ERC2: variants seen among roughly 807,000 people sequenced by gnomAD.
ERC2 encodes ELKS/RAB6-interacting/CAST family member 2.
In ERC2, 42 loss-of-function variants were observed where a neutral mutation model predicts 114.8. That is an observed-to-expected ratio of 0.37 (90% CI 0.29 to 0.47). The LOEUF is 0.47. Among genes scored for constraint, ERC2 ranks in the 20% least tolerant of loss-of-function variants. ERC2 has a pLI of 0.99. For missense variants in ERC2, 939 were observed against 1,150.7 expected, an observed-to-expected ratio of 0.82 and a Z score of 2.66; for synonymous variants, 454 against 425.5, an observed-to-expected ratio of 1.07 and a Z score of -0.82.
chr3:56,277,273 C>T (rs2054067135), intron 3 of ERC2, among the ~76,000 whole-genome samples: 1 of 152,044 alleles, frequency 6.6e-6, no homozygotes, highest in African/African-American at 2.4e-5. Flanking sequence ...AGAGATATGC[C>T]CTAATTCTAT....
chr3:55,767,294 G>A (rs190457797), intron 14 of ERC2, among the ~76,000 whole-genome samples: 1 of 152,290 alleles, frequency 6.6e-6, no homozygotes, highest in East Asian at 1.9e-4. Context: ...CAGCTTCCAA[G>A]TCACTACTAC....
At chr3:55,815,409 G>A (rs1559700316) in intron 14 of ERC2, among the ~76,000 whole-genome samples, 3 of 152,194 alleles carry the variant, frequency 2.0e-5, no homozygotes, top group Admixed American at 1.3e-4. Context: ...AATCATCTGA[G>A]TTCTTAAAAG....
Position 55,564,918 on chromosome 3 carries a change from G to A in ERC2, c.*40-53642C>T, listed in dbSNP as rs142474182. Among the ~76,000 whole-genome samples the A allele has an allele frequency of 5.3e-3, 805 of 152,334 alleles. 4 individuals carry two copies. Among genetic ancestry groups the A allele is most frequent in the African/African-American group, 0.017 (690 of 41,572 alleles). On this transcript the variant is annotated intron_variant, in intron 17 of 17. Transcript: ENST00000288221. ...TGGCTTTGCTGGCCATATGTTCTCC[G>A]TGGCAGTACTCAACTCTGCTGCTGG...
intron 3 of ERC2, among the ~76,000 whole-genome samples, chr3:56,249,378 T>A (rs557350056): frequency 2.2e-4 from 34 of 152,000 alleles, no homozygotes; most frequent in African/African-American, 8.0e-4. Context: ...CAGGCTGGAG[T>A]GCAGTGGTGC....
rs114654440 is a variant in ERC2, at chr3:56,286,602, A to C, written c.1074+9417T>G. 8.8e-3 allele frequency among the ~76,000 whole-genome samples: 1,344 copies of C among 152,260 alleles called. 10 individuals carry two copies. The highest frequency in any genetic ancestry group is 0.014 in the Non-Finnish European group (947 of 67,996). ...TTATCCTTAATTCAGAAAGCTACTT[A>C]CTTATTATCTAATTCAGGGGTCAGC... On this transcript the variant is annotated intron_variant, in intron 3 of 17. Coordinates refer to ENST00000288221, the MANE Select transcript of ERC2 (RefSeq NM_015576.3).
chr3:55,673,703 C>G (rs1030703369), intron 17 of ERC2, among the ~76,000 whole-genome samples: 2 of 152,108 alleles, frequency 1.3e-5, no homozygotes, highest in Non-Finnish European at 2.9e-5. Context: ...ATAAGTAAAA[C>G]CACAAACCCA....
chr3:56,139,655 G>C lies in ERC2; in HGVS notation c.1327C>G (p.Leu443Val). ...AGAAGTTCCGACTCTTTCTTTGAAA[G>C]TTCCTGCTTCAGCTGATCAATCTGC... ...KTKIDQLKQELSKKESELLAL... is the reference protein window; with the variant it reads ...KTKIDQLKQEVSKKESELLAL... The change falls in exon 6 of 18, where the codon CTT becomes GTT. Residue 443 changes from leucine to valine, a missense_variant. By Grantham distance (32) the Leu-to-Val change is conservative (BLOSUM62 1). Coordinates refer to ENST00000288221, the MANE Select transcript of ERC2 (RefSeq NM_015576.3). 3.7e-6 allele frequency: 6 copies of C among 1,605,582 alleles called. No homozygotes were observed. Among genetic ancestry groups the C allele is most frequent in the Non-Finnish European group, 5.1e-6 (6 of 1,175,516 alleles).
chr3:56,466,814 A>C (rs2063563827), intron 1 of ERC2, among the ~76,000 whole-genome samples: 2 of 152,236 alleles, frequency 1.3e-5, no homozygotes, highest in South Asian at 2.1e-4. Context: ...TTACAAGGAC[A>C]AGAGTGACCA....
chr3:55,529,363 A>G (rs2053531625), intron 17 of ERC2, among the ~76,000 whole-genome samples: 1 of 152,218 alleles, frequency 6.6e-6, no homozygotes, highest in Admixed American at 6.5e-5. Flanking sequence ...TTGACTCCTT[A>G]AACAGTAAGT....
At chr3:55,694,761 A>G (rs1413222463) in intron 16 of ERC2, among the ~76,000 whole-genome samples, 2 of 152,212 alleles carry the variant, frequency 1.3e-5, no homozygotes, top group Non-Finnish European at 2.9e-5. Context: ...AACACATAGA[A>G]GTACATTTTG....
At chr3:55,879,756 A>G (rs560472254) in intron 14 of ERC2, among the ~76,000 whole-genome samples, 6 of 152,354 alleles carry the variant, frequency 3.9e-5, no homozygotes, top group Admixed American at 2.6e-4. Flanking sequence ...AATTGCCCCC[A>G]ATATCCATTC....
intron 2 of ERC2, among the ~76,000 whole-genome samples, chr3:56,432,529 AC>A (rs1222240391): frequency 9.2e-5 from 14 of 152,348 alleles, no homozygotes; most frequent in African/African-American, 3.1e-4. Flanking sequence ...GGTTCCAACT[AC>A]AAAATCACAT....
chr3:55,750,363 C>T (rs1263501098), intron 14 of ERC2, among the ~76,000 whole-genome samples: 1 of 152,156 alleles, frequency 6.6e-6, no homozygotes, highest in Non-Finnish European at 1.5e-5. Context: ...TATTACACCC[C>T]TTGTAAAGTT....
chr3:55,741,915 G>A (rs1215215216), intron 14 of ERC2, among the ~76,000 whole-genome samples: 1 of 152,020 alleles, frequency 6.6e-6, no homozygotes, highest in Admixed American at 6.6e-5. Flanking sequence ...TAACAAATAT[G>A]GGCAACAATA....
chr3:55,827,838 A>G (rs904275005), intron 14 of ERC2, among the ~76,000 whole-genome samples: 4 of 152,224 alleles, frequency 2.6e-5, no homozygotes, highest in Non-Finnish European at 5.9e-5. Context: ...CCAGACATAG[A>G]AAAGTACTAC....
At chr3:55,761,875 CAAA>C (rs1232333274) in intron 14 of ERC2, among the ~76,000 whole-genome samples, 1 of 59,626 alleles carries the variant, frequency 1.7e-5, no homozygotes, top group Non-Finnish European at 3.4e-5. Flanking sequence ...GACTCCGTCT[CAAA>C]AAAAAAAAAA....
chr3:56,219,002 G>C (rs1455718035), intron 3 of ERC2, among the ~76,000 whole-genome samples: 1 of 152,104 alleles, frequency 6.6e-6, no homozygotes, highest in African/African-American at 2.4e-5. Context: ...GGTGGTTTGG[G>C]GGGAGGGATA....
rs9815229 is a variant in ERC2, at chr3:55,769,321, C to G, written c.2565-34403G>C. ...AGTTTGGGAGCTGATAGTGAACCAG[C>G]CTGGATTAAGAGCTCTGGGGCACAC... On this transcript the variant is annotated intron_variant, in intron 14 of 17. Coordinates refer to ENST00000288221, the MANE Select transcript of ERC2 (RefSeq NM_015576.3). Among the ~76,000 whole-genome samples the G allele has an allele frequency of 5.7e-3, 872 of 152,098 alleles. 11 individuals carry two copies. The highest frequency in any genetic ancestry group is 0.02 in the African/African-American group (831 of 41,476).
At chr3:55,657,746 CACCGCACCCACCCCTGGA>C (rs1238992285) in intron 17 of ERC2, 6 of 152,192 alleles carry the variant, frequency 3.9e-5, no homozygotes, top group Admixed American at 1.3e-4. Flanking sequence ...AGGTGTAAGC[CACCGCACCCACCCCTGGA>C]TGTATTTCTT....
Sources: gnomAD v4.1 joint callset for allele counts (sites outside exome capture counted in the v4.1 genomes callset) on GRCh38, gnomAD v4.1.1 for gene constraint, MANE v1.5 for transcripts, NCBI Gene and HGNC (gene_info 2026-07-23, HGNC 2026-07-21) for gene names.